Variants in TFDP2 observed in about 807,000 individuals in gnomAD.
TFDP2 encodes the protein transcription factor Dp-2 (E2F dimerization partner 2).
Under a neutral mutation model 59.3 loss-of-function variants are expected in TFDP2, and 17 were observed. That is an observed-to-expected ratio of 0.29 (90% CI 0.20 to 0.43). The LOEUF is 0.43. TFDP2 is among the 20% of genes least tolerant of loss of function. The pLI is 1.00. For missense variants in TFDP2, 391 were observed against 528.8 expected, an observed-to-expected ratio of 0.74 and a Z score of 2.56; for synonymous variants, 180 against 194.7, an observed-to-expected ratio of 0.92 and a Z score of 0.63.
chr3:142,131,247 G>T (rs2062493105), intron 1 of TFDP2, among the ~76,000 whole-genome samples: 1 of 149,800 alleles, frequency 6.7e-6, no homozygotes. Flanking sequence ...TTAGCAGGAA[G>T]ACACAAATAG....
In TFDP2 at chr3:141,946,007, T is replaced by TG. The variant is rs1439538488; in HGVS notation, c.*6505dup. 1 of 152,274 alleles carries TG rather than the reference T, an allele frequency of 6.6e-6. No homozygotes were observed. Among genetic ancestry groups the TG allele is most frequent in the Non-Finnish European group, 1.5e-5 (1 of 68,070 alleles). 9.4% of individuals were successfully genotyped at this position (152,274 alleles called of 1,614,324 possible). A position where few individuals can be genotyped will look rare whatever the true frequency, so the allele number is the denominator to read the frequency against. On this transcript the variant is annotated 3_prime_UTR_variant, in exon 13 of 13. Transcript: ENST00000489671. The stretch of plus-strand genomic sequence containing the variant: ...GCCTAAACCTGACACCACAGCCTCA[T>TG]GCTGGGGCTCGGGAAAGGAGTCCCA...
intron 3 of TFDP2, chr3:142,054,264 G>A (rs2059665083): frequency 6.6e-6 from 1 of 152,014 alleles, no homozygotes; most frequent in Admixed American, 6.6e-5. Flanking sequence ...ACCCATGACT[G>A]GATATACAAA....
intron 9 of TFDP2, among the ~76,000 whole-genome samples, chr3:141,968,455 CATATATAGATAT>C (rs1938642806): frequency 1.1e-4 from 9 of 85,018 alleles, no homozygotes; most frequent in African/African-American, 4.2e-4. Flanking sequence ...ATATATATCT[CATATATAGATAT>C]ATATATAACA....
At chr3:142,069,511 C>T (rs553071663) in intron 3 of TFDP2, among the ~76,000 whole-genome samples, 2 of 152,182 alleles carry the variant, frequency 1.3e-5, no homozygotes, top group South Asian at 4.2e-4. Context: ...AATTCCCTCT[C>T]ATAAAGGCTG....
intron 1 of TFDP2, among the ~76,000 whole-genome samples, chr3:142,134,052 AG>A (rs1365288297): frequency 6.7e-6 from 1 of 149,558 alleles, no homozygotes; most frequent in East Asian, 2.0e-4. Context: ...AAAAAAAAAA[AG>A]AAGAAGAAGA....
At chr3:141,976,209 T>C (rs891585650) in intron 7 of TFDP2, among the ~76,000 whole-genome samples, 3 of 152,166 alleles carry the variant, frequency 2.0e-5, no homozygotes, top group Non-Finnish European at 4.4e-5. Flanking sequence ...TTTTAACAAA[T>C]ATACTAATAT....
At chr3:142,124,141 C>T (rs144945785) in intron 1 of TFDP2, among the ~76,000 whole-genome samples, 49 of 152,076 alleles carry the variant, frequency 3.2e-4, no homozygotes, top group African/African-American at 1.1e-3. Context: ...AGTGACAAAA[C>T]GCAAAATCAT....
At chr3:142,062,483 G>A (rs1404460896) in intron 3 of TFDP2, among the ~76,000 whole-genome samples, 1 of 151,312 alleles carries the variant, frequency 6.6e-6, no homozygotes, top group African/African-American at 2.4e-5. Flanking sequence ...ATTCTTTGGA[G>A]AACCCTGACT....
At chr3:142,103,403 G>A (rs1186273046) in intron 1 of TFDP2, among the ~76,000 whole-genome samples, 7 of 151,542 alleles carry the variant, frequency 4.6e-5, no homozygotes, top group Non-Finnish European at 7.4e-5. Context: ...TAATAGTATT[G>A]TTTCAATGTT....
rs116453146 is a variant in TFDP2 at position 142,118,257 on chromosome 3, A to C, written c.-92-16416T>G. Among the ~76,000 whole-genome samples, 356 of 152,310 alleles carry C rather than the reference A, an allele frequency of 2.3e-3. 4 individuals are homozygous for C. The highest frequency in any genetic ancestry group is 7.8e-3 in the African/African-American group (325 of 41,548). On this transcript the variant is annotated intron_variant, in intron 1 of 12. Transcript: ENST00000489671. ...ACAAAAGAGAGCACACTGGCAGAAG[A>C]AGCACTCTCAAATTAGGAACTCTGT...
At chr3:142,037,262 A>G (rs556234393) in intron 3 of TFDP2, among the ~76,000 whole-genome samples, 2 of 152,362 alleles carry the variant, frequency 1.3e-5, no homozygotes, top group South Asian at 2.1e-4. Context: ...TTGTGAAGAT[A>G]TAATTCCTAG....
chr3:141,978,755 A>T, intron 6 of TFDP2, 73 bp from the exon 7 acceptor site: 1 of 1,118,664 alleles, frequency 8.9e-7, no homozygotes, highest in Non-Finnish European at 1.2e-6. Flanking sequence ...CTGTAAGATA[A>T]TGCAAGAAGA....
At chr3:141,991,648 C>T (rs1942778128) in intron 6 of TFDP2, among the ~76,000 whole-genome samples, 2 of 152,136 alleles carry the variant, frequency 1.3e-5, no homozygotes, top group African/African-American at 4.8e-5. Context: ...ACTTGGGAGG[C>T]TGAGGCAGGA....
intron 3 of TFDP2, among the ~76,000 whole-genome samples, chr3:142,052,039 T>A (rs955426498): frequency 5.9e-5 from 9 of 152,000 alleles, no homozygotes; most frequent in African/African-American, 2.2e-4. Flanking sequence ...GGTGGGAGGA[T>A]AGCTTGAGCC....
Position 142,047,132 on chromosome 3 carries a change from C to T in TFDP2, c.83-41588G>A, listed in dbSNP as rs560582413. 3.4e-4 allele frequency among the ~76,000 whole-genome samples: 51 copies of T among 152,220 alleles called. No individual in the cohort carries two copies. In the South Asian group the frequency reaches 8.5e-3, roughly 25 times the overall value. ...AAGGATCTCTAATCCAGATTAACAA[C>T]GTTGAAAGACTTCCAATAGATGTGA... On this transcript the variant is annotated intron_variant, in intron 3 of 12. Coordinates refer to ENST00000489671, the MANE Select transcript of TFDP2 (RefSeq NM_001178139.2).
chr3:142,112,845 A>G (rs1309199221), intron 1 of TFDP2, among the ~76,000 whole-genome samples: 1 of 152,162 alleles, frequency 6.6e-6, no homozygotes, highest in Non-Finnish European at 1.5e-5. Context: ...ATGTTCTACA[A>G]TAACACCTAA....
chr3:142,113,024 T>C (rs1298556636), intron 1 of TFDP2, among the ~76,000 whole-genome samples: 2 of 148,874 alleles, frequency 1.3e-5, no homozygotes, highest in Non-Finnish European at 3.0e-5. Flanking sequence ...AATCACATTC[T>C]GAGACCCTGC....
chr3:142,040,841 C>T (rs1168196043), intron 3 of TFDP2, among the ~76,000 whole-genome samples: 1 of 152,050 alleles, frequency 6.6e-6, no homozygotes, highest in Non-Finnish European at 1.5e-5. Flanking sequence ...GAGTTTGAGG[C>T]TACAGTGAAC....
intron 3 of TFDP2, among the ~76,000 whole-genome samples, chr3:142,070,418 C>T (rs999156536): frequency 1.3e-5 from 2 of 152,192 alleles, no homozygotes; most frequent in Non-Finnish European, 2.9e-5. Flanking sequence ...GCTGGGACTA[C>T]AGATGCATGC....
Sources: gnomAD v4.1 joint callset for allele counts (sites outside exome capture counted in the v4.1 genomes callset) on GRCh38, gnomAD v4.1.1 for gene constraint, MANE v1.5 for transcripts, NCBI Gene and HGNC (gene_info 2026-07-23, HGNC 2026-07-21) for gene names.